ERBB4: variants seen among roughly 807,000 people sequenced by gnomAD.
ERBB4 encodes receptor tyrosine-protein kinase erbB-4.
In ERBB4, 42 loss-of-function variants were observed where a neutral mutation model predicts 158.0. That is an observed-to-expected ratio of 0.27 (90% CI 0.21 to 0.34). The LOEUF is 0.34. Ranked by LOEUF, ERBB4 falls within the 10% of genes least tolerant of loss-of-function variation. The probability of loss-of-function intolerance (pLI) is 1.00; values close to 1 mark genes in which losing one functional copy is unlikely to be tolerated. For synonymous variants in ERBB4, 583 were observed against 558.7 expected (o/e 1.04, Z -0.61); for missense variants, 1,333 against 1,624.1 (o/e 0.82, Z 3.08).
chr2:212,043,000 G>A (rs1426212720), intron 2 of ERBB4, among the ~76,000 whole-genome samples: 1 of 152,092 alleles, frequency 6.6e-6, no homozygotes, highest in Admixed American at 6.6e-5. Flanking sequence ...TAGCTGTGCG[G>A]CAAAGGAAAA....
chr2:211,932,074 A>G (rs190311244), intron 3 of ERBB4, among the ~76,000 whole-genome samples: 1 of 152,156 alleles, frequency 6.6e-6, no homozygotes, highest in Non-Finnish European at 1.5e-5. Context: ...GCTTTTTTCT[A>G]CAACTTCATG....
At position 212,378,592 on chromosome 2, in the gene ERBB4, C is replaced by A. The variant is rs2090403525; in HGVS notation, c.82+159857G>T. Among the ~76,000 whole-genome samples the A allele has an allele frequency of 2.0e-5, 3 of 151,962 alleles. No homozygotes were observed. The South Asian group carries it at 6.2e-4, about 32-fold the overall frequency. ...TTTGAAGGCCATCATTCAAAGCGCT[C>A]ATTTTTTTTTCCCCTTCCCTGGTCA... On this transcript the variant is annotated intron_variant, in intron 1 of 27. Coordinates refer to ENST00000342788, the MANE Select transcript of ERBB4 (RefSeq NM_005235.3).
chr2:212,522,553 T>A (rs533512583), intron 1 of ERBB4, among the ~76,000 whole-genome samples: 11 of 152,042 alleles, frequency 7.2e-5, no homozygotes, highest in African/African-American at 2.4e-4. Context: ...GAGCTTAGAA[T>A]AATCTACGCA....
chr2:211,851,902 A>G (rs1177095250), intron 3 of ERBB4, among the ~76,000 whole-genome samples: 9 of 151,964 alleles, frequency 5.9e-5, no homozygotes. Context: ...AACAGTCTGA[A>G]TATCTACCTT....
chr2:211,420,119 T>C (rs1456152333), intron 25 of ERBB4, among the ~76,000 whole-genome samples: 1 of 152,108 alleles, frequency 6.6e-6, no homozygotes, highest in Non-Finnish European at 1.5e-5. Context: ...TTTTCATTTA[T>C]TTATATACAC....
intron 2 of ERBB4, among the ~76,000 whole-genome samples, chr2:211,959,374 T>G (rs1000360806): frequency 9.9e-5 from 15 of 152,190 alleles, no homozygotes; most frequent in African/African-American, 3.6e-4. Context: ...TGAATGCCTG[T>G]ATCTTTGTTT....
At chr2:212,482,831 C>T (rs1208401494) in intron 1 of ERBB4, among the ~76,000 whole-genome samples, 1 of 152,188 alleles carries the variant, frequency 6.6e-6, no homozygotes, top group African/African-American at 2.4e-5. Context: ...ACCATGTTGG[C>T]CAGGATGGCC....
At chr2:211,890,442 T>G (rs1472393124) in intron 3 of ERBB4, among the ~76,000 whole-genome samples, 1 of 151,754 alleles carries the variant, frequency 6.6e-6, no homozygotes, top group African/African-American at 2.4e-5. Context: ...TACCAGCCGC[T>G]GCAAAATCAT....
intron 20 of ERBB4, among the ~76,000 whole-genome samples, chr2:211,540,550 GTTTTTGT>G (rs2066776813): frequency 6.6e-6 from 1 of 151,140 alleles, no homozygotes; most frequent in Non-Finnish European, 1.5e-5. Context: ...TTTTGTTTTT[GTTTTTGT>G]TTTTTGTTTT....
intron 18 of ERBB4, among the ~76,000 whole-genome samples, chr2:211,622,688 G>A (rs928124476): frequency 1.1e-4 from 17 of 151,500 alleles, no homozygotes; most frequent in African/African-American, 2.2e-4. Flanking sequence ...AATGCCAGCC[G>A]GGCATGGTGG....
intron 3 of ERBB4, among the ~76,000 whole-genome samples, chr2:211,886,213 T>G (rs1481588753): frequency 6.6e-6 from 1 of 152,196 alleles, no homozygotes; most frequent in Non-Finnish European, 1.5e-5. Context: ...ATTATTAACC[T>G]TTAGTCAGAT....
chr2:211,463,435 C>T (rs191503347), intron 20 of ERBB4, among the ~76,000 whole-genome samples: 133 of 152,260 alleles, frequency 8.7e-4, no homozygotes, highest in Non-Finnish European at 1.5e-3. Context: ...GCTAGATCAG[C>T]GTTGGTTTGC....
chr2:211,522,697 T>G (rs1449941130), intron 20 of ERBB4, among the ~76,000 whole-genome samples: 1 of 152,136 alleles, frequency 6.6e-6, no homozygotes, highest in African/African-American at 2.4e-5. Flanking sequence ...GTCATCCTAT[T>G]TTAAGAAATT....
At chr2:211,736,555 A>G (rs768344503) in intron 5 of ERBB4, among the ~76,000 whole-genome samples, 2 of 152,216 alleles carry the variant, frequency 1.3e-5, no homozygotes, top group Non-Finnish European at 1.5e-5. Context: ...CTCTTCTTAT[A>G]TATGTACAGC....
intron 1 of ERBB4, among the ~76,000 whole-genome samples, chr2:212,157,969 C>T (rs1165349836): frequency 6.6e-6 from 1 of 152,016 alleles, no homozygotes; most frequent in East Asian, 1.9e-4. Context: ...GTTGCCTATA[C>T]AACTGAGATA....
rs1179398781 is a variant in ERBB4, at chr2:211,383,217, G to A, written c.*398C>T. On this transcript the variant is annotated 3_prime_UTR_variant, in exon 28 of 28. Transcript: ENST00000342788. ...CAGTTCCTGCAGATAGGAACAGATAGCATGGGTGTTTCAACCATCTGCTTT... is the reference window on the plus strand; with the variant it reads ...CAGTTCCTGCAGATAGGAACAGATAACATGGGTGTTTCAACCATCTGCTTT... 2 of 279,934 alleles carry A rather than the reference G, an allele frequency of 7.1e-6. No individual in the cohort carries two copies. Among genetic ancestry groups the A allele is most frequent in the African/African-American group, 4.7e-5 (2 of 43,008 alleles). The allele number at this position is 279,934 out of a possible 1,614,324, so 17.3% of individuals were successfully genotyped here.
chr2:211,558,054 G>A (rs139589087), intron 20 of ERBB4, among the ~76,000 whole-genome samples: 190 of 152,268 alleles, frequency 1.2e-3, no homozygotes, highest in African/African-American at 4.5e-3. Context: ...TTATACAGGG[G>A]AGCTAAATGA....
chr2:212,161,347 C>A (rs1160662129), intron 1 of ERBB4, among the ~76,000 whole-genome samples: 1 of 151,882 alleles, frequency 6.6e-6, no homozygotes, highest in Non-Finnish European at 1.5e-5. Context: ...ATTATTACCA[C>A]ACCCATCTGC....
chr2:211,739,169 T>C (rs547823855), intron 5 of ERBB4, among the ~76,000 whole-genome samples: 1 of 152,204 alleles, frequency 6.6e-6, no homozygotes, highest in African/African-American at 2.4e-5. Context: ...ACCCATCTTA[T>C]GCCTTTTGTT....
Sources: allele counts gnomAD v4.1 joint callset (sites outside exome capture counted in the v4.1 genomes callset), GRCh38; gene constraint gnomAD v4.1.1; transcripts MANE v1.5; gene names NCBI Gene and HGNC (gene_info 2026-07-23, HGNC 2026-07-21).